The following MAGI3 variants were observed in gnomAD, a reference collection of about 807,000 sequenced individuals.
The protein encoded by MAGI3 is membrane-associated guanylate kinase, WW and PDZ domain-containing protein 3.
Under a neutral mutation model 121.8 loss-of-function variants are expected in MAGI3, and 43 were observed. The observed-to-expected ratio is 0.35, with a 90% CI of 0.28 to 0.46. The LOEUF is 0.46. Ranked by LOEUF, MAGI3 falls within the 20% of genes least tolerant of loss-of-function variation. MAGI3 has a pLI of 1.00. For missense variants in MAGI3, 1,547 were observed against 1,797.3 expected (o/e 0.86, Z 2.52); for synonymous variants, 553 against 639.3 (o/e 0.86, Z 2.04).
chr1:113,662,134 A>C (rs1469916037), intron 16 of MAGI3, among the ~76,000 whole-genome samples: 2 of 152,224 alleles, frequency 1.3e-5, no homozygotes, highest in Non-Finnish European at 2.9e-5. Context: ...CCTTCTCTCC[A>C]TCAGCCATTC....
At position 113,683,531 on chromosome 1, in the gene MAGI3, C is replaced by T. The variant is rs61742852; in HGVS notation, c.3963C>T (p.Gly1321=). 3.0e-3 allele frequency: 4,899 copies of T among 1,613,784 alleles called. 141 individuals are homozygous for T. The African/African-American group carries it at 0.055, about 18-fold the overall frequency. ...GTCGAAGAATAGCAGGCTATACGGG[C>T]AGTAATGCTGAGCAGATCCCAGATG... The part of the protein sequence containing the change: ...GKSRRIAGYT[G]SNAEQIPDGK... Residue 1321 remains glycine (G), a synonymous_variant, in exon 21 of 21, where the codon GGC becomes GGT. Transcript: ENST00000307546.
chr1:113,641,727 A>C (rs1652542668), intron 9 of MAGI3, among the ~76,000 whole-genome samples, 184 bp from the exon 10 acceptor site: 1 of 151,988 alleles, frequency 6.6e-6, no homozygotes, highest in South Asian at 2.1e-4. Context: ...ACATTTATAC[A>C]TACATTTTAG....
intron 16 of MAGI3, among the ~76,000 whole-genome samples, chr1:113,666,805 G>C (rs1433859594): frequency 6.6e-6 from 1 of 152,166 alleles, no homozygotes; most frequent in Non-Finnish European, 1.5e-5. Flanking sequence ...AAAATACTAA[G>C]ACTTGAAAGT....
At chr1:113,414,247 A>C (rs538552090) in intron 1 of MAGI3, among the ~76,000 whole-genome samples, 1 of 152,242 alleles carries the variant, frequency 6.6e-6, no homozygotes, top group Non-Finnish European at 1.5e-5. Flanking sequence ...TGTGGTGCAT[A>C]AGCTTTTTGA....
intron 20 of MAGI3, among the ~76,000 whole-genome samples, chr1:113,681,701 C>G (rs1648228415): frequency 6.6e-6 from 1 of 152,194 alleles, no homozygotes; most frequent in Admixed American, 6.5e-5. Context: ...GCTAATTACA[C>G]ATTACCAACC....
chr1:113,570,799 G>C (rs193070179), intron 2 of MAGI3, among the ~76,000 whole-genome samples: 1 of 152,142 alleles, frequency 6.6e-6, no homozygotes, highest in East Asian at 1.9e-4. Context: ...TCATACCTTT[G>C]TCAGATGGAT....
At chr1:113,506,650 C>G (rs1657343818) in intron 1 of MAGI3, among the ~76,000 whole-genome samples, 1 of 152,182 alleles carries the variant, frequency 6.6e-6, no homozygotes, top group African/African-American at 2.4e-5. Context: ...AGTAGCTTGC[C>G]ACTCACAGAG....
At chr1:113,503,306 CA>C (rs1657133691) in intron 1 of MAGI3, among the ~76,000 whole-genome samples, 1 of 31,718 alleles carries the variant, frequency 3.2e-5, no homozygotes, top group Non-Finnish European at 5.0e-5. Context: ...GACCCTGTCT[CA>C]GGAAAAAAAA....
At chr1:113,668,166 G>A (rs1647275860) in intron 16 of MAGI3, among the ~76,000 whole-genome samples, 1 of 152,148 alleles carries the variant, frequency 6.6e-6, no homozygotes, top group Non-Finnish European at 1.5e-5. Context: ...ATGAAAGTGA[G>A]CACATGCTGT....
intron 15 of MAGI3, among the ~76,000 whole-genome samples, chr1:113,656,112 T>C (rs1653456525): frequency 6.6e-6 from 1 of 152,178 alleles, no homozygotes; most frequent in African/African-American, 2.4e-5. Flanking sequence ...GCTCAGGTTG[T>C]TGATGAATTT....
chr1:113,412,354 G>A (rs1419390277), intron 1 of MAGI3, among the ~76,000 whole-genome samples: 1 of 152,076 alleles, frequency 6.6e-6, no homozygotes, highest in African/African-American at 2.4e-5. Context: ...TCTCTTTATA[G>A]TAGCATGATT....
At chr1:113,557,582 A>T (rs1411082331) in intron 2 of MAGI3, among the ~76,000 whole-genome samples, 1 of 152,164 alleles carries the variant, frequency 6.6e-6, no homozygotes, top group East Asian at 1.9e-4. Flanking sequence ...TCTCCCTGGG[A>T]CAGAGTGCCT....
intron 2 of MAGI3, 103 bp downstream of exon 2, chr1:113,549,734 A>G (rs1659687248): frequency 1.7e-6 from 1 of 599,718 alleles, no homozygotes; most frequent in African/African-American, 1.9e-5. Context: ...GAAATTGTGA[A>G]GACTAAGTTG....
At chr1:113,516,214 G>T (rs1657890510) in intron 1 of MAGI3, among the ~76,000 whole-genome samples, 1 of 151,872 alleles carries the variant, frequency 6.6e-6, no homozygotes, top group South Asian at 2.1e-4. Flanking sequence ...AGGTCTAGAA[G>T]CAGTGACTGC....
At chr1:113,468,235 G>T (rs934553474) in intron 1 of MAGI3, among the ~76,000 whole-genome samples, 1 of 152,080 alleles carries the variant, frequency 6.6e-6, no homozygotes, top group Admixed American at 6.6e-5. Context: ...TTAATATATA[G>T]TGACTTAGTA....
chr1:113,683,012 TGAA>T lies in MAGI3; in HGVS notation c.3448_3450del (p.Glu1150del), dbSNP rs1557891459. On this transcript the variant is annotated inframe_deletion, in exon 21 of 21. Transcript: ENST00000307546. The stretch of plus-strand genomic sequence containing the variant: ...TTGAAGAGTCTCACGTGCCAGTAAT[TGAA>T]GAATCTTTGAGAGTTCAGATATGTG... The T allele has an allele frequency of 1.2e-5, 19 of 1,613,960 alleles. No individual in the cohort carries two copies. Among genetic ancestry groups the T allele is most frequent in the Non-Finnish European group, 1.6e-5 (19 of 1,179,882 alleles).
chr1:113,463,914 T>G (rs1289587891), intron 1 of MAGI3, among the ~76,000 whole-genome samples: 1 of 152,116 alleles, frequency 6.6e-6, no homozygotes, highest in Non-Finnish European at 1.5e-5. Flanking sequence ...GGGGTACATG[T>G]GAAAATATAT....
chr1:113,566,871 T>C (rs1660452338), intron 2 of MAGI3, among the ~76,000 whole-genome samples: 1 of 151,776 alleles, frequency 6.6e-6, no homozygotes, highest in Non-Finnish European at 1.5e-5. Context: ...ATCTTATACC[T>C]TAAGGAATTA....
At chr1:113,633,680 G>C (rs1651812777) in intron 9 of MAGI3, among the ~76,000 whole-genome samples, 1 of 152,138 alleles carries the variant, frequency 6.6e-6, no homozygotes, top group African/African-American at 2.4e-5. Flanking sequence ...ATTGTGAATA[G>C]TGCCACAATA....
Sources: gnomAD v4.1 joint callset for allele counts (sites outside exome capture counted in the v4.1 genomes callset) on GRCh38, gnomAD v4.1.1 for gene constraint, MANE v1.5 for transcripts, NCBI Gene and HGNC (gene_info 2026-07-23, HGNC 2026-07-21) for gene names.